ADGRL3: variants seen among roughly 807,000 people sequenced by gnomAD.
ADGRL3 encodes the protein adhesion G protein-coupled receptor L3.
Under a neutral mutation model 153.5 loss-of-function variants are expected in ADGRL3, and 62 were observed. That is an observed-to-expected ratio of 0.40 (90% CI 0.33 to 0.50). ADGRL3 has a LOEUF of 0.50. Ranked by LOEUF, ADGRL3 falls within the 20% of genes least tolerant of loss-of-function variation. The pLI, the probability that ADGRL3 is intolerant of heterozygous loss-of-function variation, is 0.47. For missense variants in ADGRL3, 1,641 were observed against 1,859.4 expected (o/e 0.88, Z 2.16); for synonymous variants, 710 against 672.5 (o/e 1.06, Z -0.86).
At chr4:62,036,394 G>T (rs868120290) in intron 23 of ADGRL3, among the ~76,000 whole-genome samples, 1 of 151,824 alleles carries the variant, frequency 6.6e-6, no homozygotes, top group Admixed American at 6.6e-5. Flanking sequence ...CCTACTTCCC[G>T]CAGGCACTCC....
intron 8 of ADGRL3, among the ~76,000 whole-genome samples, chr4:61,745,467 G>A (rs2096643982): frequency 6.6e-6 from 1 of 152,124 alleles, no homozygotes; most frequent in Non-Finnish European, 1.5e-5. Context: ...AAGAAAGGCA[G>A]GGTTACCCAC....
At chr4:61,449,796 G>A (rs1333322347) in intron 2 of ADGRL3, among the ~76,000 whole-genome samples, 8 of 152,106 alleles carry the variant, frequency 5.3e-5, no homozygotes, top group Non-Finnish European at 8.8e-5. Flanking sequence ...GACAGGTAAC[G>A]TGTTCATATT....
intron 4 of ADGRL3, among the ~76,000 whole-genome samples, chr4:61,535,770 T>G (rs1233326121): frequency 6.6e-6 from 1 of 152,060 alleles, no homozygotes; most frequent in Non-Finnish European, 1.5e-5. Flanking sequence ...TGTCTTTCTT[T>G]GGCATTGTGC....
intron 4 of ADGRL3, among the ~76,000 whole-genome samples, chr4:61,535,986 T>A (rs1425680831): frequency 1.3e-5 from 2 of 152,104 alleles, no homozygotes; most frequent in African/African-American, 4.8e-5. Flanking sequence ...GGGTGTGATA[T>A]TAGGTTGTTA....
chr4:61,806,478 ATATAT>A (rs1340471470), intron 8 of ADGRL3, among the ~76,000 whole-genome samples: 4 of 151,886 alleles, frequency 2.6e-5, no homozygotes, highest in Non-Finnish European at 2.9e-5. Context: ...TATGTAATAC[ATATAT>A]TATAAACACA....
At chr4:61,567,322 T>C (rs1022368342) in intron 4 of ADGRL3, among the ~76,000 whole-genome samples, 1 of 152,222 alleles carries the variant, frequency 6.6e-6, no homozygotes, top group African/African-American at 2.4e-5. Flanking sequence ...AAGTTCTGAA[T>C]GTTTGTGTCC....
intron 13 of ADGRL3, among the ~76,000 whole-genome samples, chr4:61,931,982 T>A (rs1388059051): frequency 1.3e-5 from 2 of 152,068 alleles, no homozygotes; most frequent in Non-Finnish European, 2.9e-5. Flanking sequence ...CCTGAATCTG[T>A]TCATTAGTTT....
chr4:61,519,815 C>G lies in ADGRL3; in HGVS notation c.259+2297C>G, dbSNP rs986202174. Among the ~76,000 whole-genome samples, 4 of 152,076 alleles carry G rather than the reference C, an allele frequency of 2.6e-5. No homozygotes were observed. In the South Asian group the frequency reaches 6.2e-4, roughly 24 times the overall value. Reference sequence around the variant, plus strand: ...CCACCTTCATAAAACAAAAACAAGTCTGTTCTAGAAACAAGATACTTTAAA... The same window carrying G: ...CCACCTTCATAAAACAAAAACAAGTGTGTTCTAGAAACAAGATACTTTAAA... On this transcript the variant is annotated intron_variant, in intron 4 of 26. Transcript: ENST00000683033.
At chr4:61,430,941 G>T (rs1169271721) in intron 2 of ADGRL3, among the ~76,000 whole-genome samples, 1 of 152,162 alleles carries the variant, frequency 6.6e-6, no homozygotes. Context: ...AAAGAGTAAT[G>T]AGTCTTAAAT....
intron 5 of ADGRL3, among the ~76,000 whole-genome samples, chr4:61,660,587 A>T (rs1561018754): frequency 6.6e-6 from 1 of 152,084 alleles, no homozygotes; most frequent in Non-Finnish European, 1.5e-5. Flanking sequence ...TCCCTAACTA[A>T]ATGGTTTCCT....
chr4:61,771,249 T>G (rs1212282999), intron 8 of ADGRL3, among the ~76,000 whole-genome samples: 1 of 152,208 alleles, frequency 6.6e-6, no homozygotes, highest in Non-Finnish European at 1.5e-5. Context: ...AGTTCCCTTA[T>G]CTGCACAAAA....
At chr4:62,039,642 C>T (rs941138123) in intron 24 of ADGRL3, among the ~76,000 whole-genome samples, 6 of 152,116 alleles carry the variant, frequency 3.9e-5, no homozygotes, top group African/African-American at 1.2e-4. Context: ...ACTAAATTTG[C>T]CAAACAGAGA....
chr4:61,866,033 G>A (rs1336251427), intron 9 of ADGRL3, among the ~76,000 whole-genome samples: 3 of 152,066 alleles, frequency 2.0e-5, no homozygotes, highest in African/African-American at 7.2e-5. Context: ...TTTCCTTTTT[G>A]TGCTCCTGGG....
chr4:61,538,596 C>T (rs1008484691), intron 4 of ADGRL3, among the ~76,000 whole-genome samples: 15 of 152,160 alleles, frequency 9.9e-5, no homozygotes, highest in South Asian at 6.2e-4. Context: ...TGCACCACCA[C>T]GCCCGGCTAA....
intron 9 of ADGRL3, among the ~76,000 whole-genome samples, chr4:61,868,806 G>A (rs1435099721): frequency 6.6e-6 from 1 of 152,100 alleles, no homozygotes; most frequent in East Asian, 1.9e-4. Flanking sequence ...TTGCAGCTTT[G>A]CCTGCCTTGG....
At chr4:61,555,378 C>A (rs997630846) in intron 4 of ADGRL3, among the ~76,000 whole-genome samples, 14 of 152,214 alleles carry the variant, frequency 9.2e-5, no homozygotes, top group Admixed American at 2.6e-4. Context: ...TAAAAGATAG[C>A]AGAAATGTTT....
Position 61,801,635 on chromosome 4 carries a change from G to A in ADGRL3, c.1400-12174G>A, listed in dbSNP as rs907982359. 2.6e-5 allele frequency among the ~76,000 whole-genome samples: 4 copies of A among 152,166 alleles called. No homozygotes were observed. The East Asian group carries it at 7.7e-4, about 29-fold the overall frequency. The stretch of plus-strand genomic sequence containing the variant: ...CAAAAAGAAAAAAAATGAAGGATAT[G>A]TGAAGCCTCGTGGTATAAGGCATCA... On this transcript the variant is annotated intron_variant, in intron 8 of 26. Coordinates refer to ENST00000683033, the MANE Select transcript of ADGRL3 (RefSeq NM_001387552.1).
chr4:61,856,559 CTCTCTCTCTCTT>C (rs1487145877), intron 9 of ADGRL3, among the ~76,000 whole-genome samples: 1 of 132,366 alleles, frequency 7.6e-6, no homozygotes, highest in Non-Finnish European at 1.6e-5. Flanking sequence ...CTCTCTCTGT[CTCTCTCTCTCTT>C]TCTCTCTCTC....
chr4:61,577,700 C>G (rs1250750071), intron 4 of ADGRL3, among the ~76,000 whole-genome samples: 1 of 151,410 alleles, frequency 6.6e-6, no homozygotes, highest in Non-Finnish European at 1.5e-5. Flanking sequence ...GTAGTTCCAG[C>G]TACTAAGGAG....
Sources: allele counts gnomAD v4.1 joint callset (sites outside exome capture counted in the v4.1 genomes callset), GRCh38; gene constraint gnomAD v4.1.1; transcripts MANE v1.5; gene names NCBI Gene and HGNC (gene_info 2026-07-23, HGNC 2026-07-21).